Variants in STARD13 observed in about 807,000 individuals in gnomAD.
STARD13 encodes stAR-related lipid transfer protein 13.
A neutral mutation model predicts 106.4 loss-of-function variants in STARD13; 62 were observed. That is an observed-to-expected ratio of 0.58 (90% confidence interval 0.48 to 0.72). The LOEUF (loss-of-function observed/expected upper bound fraction) is 0.72, where lower values mean the gene tolerates loss of function less well. STARD13 is among the 30% of genes least tolerant of loss of function. The pLI, the probability that STARD13 is intolerant of heterozygous loss-of-function variation, is 0.00. For missense variants in STARD13, 1,387 were observed against 1,424.0 expected, an observed-to-expected ratio of 0.97 and a Z score of 0.42; for synonymous variants, 565 against 553.0, an observed-to-expected ratio of 1.02 and a Z score of -0.31.
rs1033820875 is a variant in STARD13, at chr13:33,198,840, C to T, written c.170-31218G>A. On this transcript the variant is annotated intron_variant, in intron 1 of 13. Coordinates refer to ENST00000336934, the MANE Select transcript of STARD13 (RefSeq NM_178006.4). ...TGCATCTTCTCTAATGCACTTTCTA[C>T]CAAAATATTCATCCTAAATTACAAG... 2.5e-4 allele frequency among the ~76,000 whole-genome samples: 38 copies of T among 152,164 alleles called. 1 individual carries two copies. Among genetic ancestry groups the T allele is most frequent in the Admixed American group, 2.4e-3 (37 of 15,270 alleles).
At chr13:33,545,160 A>G in the STARD13 span, among the ~76,000 whole-genome samples, 27 of 152,014 alleles carry the variant, frequency 1.8e-4, no homozygotes, top group African/African-American at 6.5e-4. Flanking sequence ...AGTTTTCTCC[A>G]TGTTGGTCAG....
intron 1 of STARD13, among the ~76,000 whole-genome samples, chr13:33,222,212 G>T (rs140456866): frequency 9.0e-4 from 137 of 152,268 alleles, no homozygotes; most frequent in Non-Finnish European, 1.8e-3. Flanking sequence ...ATTAGGCTAA[G>T]TGAAAAATAC....
chr13:33,264,932 G>A (rs1890825096), intron 1 of STARD13, among the ~76,000 whole-genome samples: 2 of 152,172 alleles, frequency 1.3e-5, no homozygotes, highest in South Asian at 2.1e-4. Flanking sequence ...TGGATTTGAG[G>A]GAAATAGTGA....
chr13:33,484,273 A>C, the STARD13 span, among the ~76,000 whole-genome samples: 1 of 152,330 alleles, frequency 6.6e-6, no homozygotes, highest in Non-Finnish European at 1.5e-5. Context: ...ACAGGTTAGA[A>C]TTATGAAAGG....
chr13:33,380,609 G>C, the STARD13 span, among the ~76,000 whole-genome samples: 3 of 151,848 alleles, frequency 2.0e-5, no homozygotes, highest in Non-Finnish European at 2.9e-5. Context: ...ATTAGTCAAA[G>C]GGGGAGGCAG....
intron 3 of STARD13, among the ~76,000 whole-genome samples, chr13:33,143,168 C>T (rs1880063032): frequency 6.6e-6 from 1 of 152,214 alleles, no homozygotes; most frequent in Non-Finnish European, 1.5e-5. Context: ...GTTTAAGCCA[C>T]TCGGTCATGG....
the STARD13 span, among the ~76,000 whole-genome samples, chr13:33,676,024 T>C: frequency 3.6e-3 from 545 of 152,344 alleles, 10 homozygotes; most frequent in Middle Eastern, 3.4e-3. Context: ...GTTGAACTTG[T>C]TCTACCTCCT....
intron 1 of STARD13, among the ~76,000 whole-genome samples, chr13:33,331,764 A>C (rs71438008): frequency 6.6e-6 from 1 of 152,120 alleles, no homozygotes; most frequent in African/African-American, 2.4e-5. Context: ...AGAGCATAGC[A>C]GAGTGTCTGA....
intron 1 of STARD13, among the ~76,000 whole-genome samples, chr13:33,297,946 T>G (rs1470440998): frequency 6.6e-6 from 1 of 152,050 alleles, no homozygotes; most frequent in Non-Finnish European, 1.5e-5. Context: ...TCAAAATAAT[T>G]TCATCTAAGA....
intron 3 of STARD13, among the ~76,000 whole-genome samples, chr13:33,163,658 C>CATATATATATAACATATATATAAAACAT (rs765526196): frequency 0.15 from 10,668 of 70,554 alleles, 1,393 homozygotes; most frequent in Middle Eastern, 0.27. Context: ...ATATATAAAA[C>CATATATATATAACATATATATAAAACAT]ATATATATAT....
At chr13:33,301,598 C>T (rs1253651492) in intron 1 of STARD13, among the ~76,000 whole-genome samples, 3 of 127,148 alleles carry the variant, frequency 2.4e-5, no homozygotes, top group Non-Finnish European at 3.1e-5. Context: ...GACGGAGTCT[C>T]GCTCTGTTGA....
the STARD13 span, among the ~76,000 whole-genome samples, chr13:33,417,018 TAACTC>T: frequency 6.6e-6 from 1 of 152,080 alleles, no homozygotes; most frequent in African/African-American, 2.4e-5. Context: ...AAAAGACAAA[TAACTC>T]AATTTTAAAA....
At chr13:33,166,703 A>C (rs1393464910) in intron 2 of STARD13, among the ~76,000 whole-genome samples, 1 of 152,186 alleles carries the variant, frequency 6.6e-6, no homozygotes, top group East Asian at 1.9e-4. Context: ...TCAATTAAAG[A>C]ATCAATGAAA....
intron 1 of STARD13, among the ~76,000 whole-genome samples, chr13:33,236,147 T>C (rs1889177885): frequency 6.6e-6 from 1 of 152,210 alleles, no homozygotes; most frequent in African/African-American, 2.4e-5. Flanking sequence ...CGAAGTGCCT[T>C]TTGATTTTTG....
chr13:33,165,257 G>T, intron 3 of STARD13, 80 bp downstream of exon 3: 1 of 1,081,138 alleles, frequency 9.2e-7, no homozygotes, highest in Non-Finnish European at 1.4e-6. Flanking sequence ...TTGCCGAATA[G>T]CTGAGCTCGC....
intron 1 of STARD13, among the ~76,000 whole-genome samples, chr13:33,230,079 G>C (rs968678905): frequency 6.6e-6 from 1 of 152,188 alleles, no homozygotes; most frequent in African/African-American, 2.4e-5. Context: ...GCCTGGAAGC[G>C]AATTTGCAAT....
chr13:33,209,267 C>T (rs146421262), intron 1 of STARD13, among the ~76,000 whole-genome samples: 2 of 152,252 alleles, frequency 1.3e-5, no homozygotes, highest in East Asian at 1.9e-4. Flanking sequence ...CTCAAAGGTG[C>T]CAGAAATCTG....
At chr13:33,174,216 A>C (rs1245530605) in intron 1 of STARD13, among the ~76,000 whole-genome samples, 1 of 152,188 alleles carries the variant, frequency 6.6e-6, no homozygotes, top group Non-Finnish European at 1.5e-5. Flanking sequence ...CATATACGTA[A>C]ACAAATACGT....
chr13:33,343,591 A>AAAAAAAC (rs2077986083), intron 1 of STARD13, among the ~76,000 whole-genome samples: 1 of 94,584 alleles, frequency 1.1e-5, no homozygotes, highest in African/African-American at 4.6e-5. Flanking sequence ...AAAAAAAAAA[A>AAAAAAAC]AAAAAACAAA....
Sources: gnomAD v4.1 joint callset for allele counts (sites outside exome capture counted in the v4.1 genomes callset) on GRCh38, gnomAD v4.1.1 for gene constraint, MANE v1.5 for transcripts, NCBI Gene and HGNC (gene_info 2026-07-23, HGNC 2026-07-21) for gene names.